Variants in NUP214 observed in about 807,000 individuals in gnomAD.
The protein encoded by NUP214 is nuclear pore complex protein Nup214.
Under a neutral mutation model 196.2 loss-of-function variants are expected in NUP214, and 79 were observed. The observed-to-expected ratio is 0.40, with a 90% CI of 0.34 to 0.49. The LOEUF is 0.49. NUP214 is among the 20% of genes least tolerant of loss of function. NUP214 has a pLI of 0.58. For synonymous variants in NUP214, 1,020 were observed against 990.5 expected (o/e 1.03, Z -0.56); for missense variants, 2,468 against 2,539.0 (o/e 0.97, Z 0.60).
intron 15 of NUP214, 79 bp from the exon 16 acceptor site, chr9:131,150,537 A>T: frequency 6.3e-7 from 1 of 1,580,454 alleles, no homozygotes; most frequent in South Asian, 1.1e-5. Context: ...CAGCAGTCTG[A>T]GCAGTTAGTA....
chr9:131,230,667 C>T lies in NUP214; in HGVS notation c.6112C>T (p.Leu2038Phe), dbSNP rs1422368275. 1 of 1,614,154 alleles carries T rather than the reference C, an allele frequency of 6.2e-7. No homozygotes were observed. Among genetic ancestry groups the T allele is most frequent in the Non-Finnish European group, 8.5e-7 (1 of 1,180,008 alleles). The change falls in exon 34 of 36, where the codon CTC becomes TTC. Residue 2038 changes from leucine (L) to phenylalanine (F), a missense_variant. Leu to Phe is a conservative substitution (Grantham distance 22, BLOSUM62 0). This residue lies in a region of NUP214 where 262 missense variants were observed against 296.5 expected (regional missense o/e 0.88). Transcript: ENST00000359428. ...SSSNTTSFGT[L>F]ASQNAPTFGS... ...CAGCAACACCACATCCTTCGGCACGCTCGCGAGTCAGAATGCCCCCACTTT... is the reference window on the plus strand; with the variant it reads ...CAGCAACACCACATCCTTCGGCACGTTCGCGAGTCAGAATGCCCCCACTTT...
intron 24 of NUP214, among the ~76,000 whole-genome samples, chr9:131,184,950 G>A (rs1330990510): frequency 6.6e-6 from 1 of 152,066 alleles, no homozygotes; most frequent in East Asian, 1.9e-4. Context: ...CTCTTGATAA[G>A]TTCCACTCTC....
chr9:131,223,727 A>ATTTATTTATTTATTTATTTTTTTTT lies in NUP214; in HGVS notation c.5902+800_5902+801insATTTATTTATTTATTTTTTTTTTTT. On this transcript the variant is annotated intron_variant, in intron 32 of 35. Transcript: ENST00000359428. ...TTTTTTTATTTTTATTTATTTATTT[A>ATTTATTTATTTATTTATTTTTTTTT]TTTTTTTTTTTTTTTTTTTTTTTTT... Among the ~76,000 whole-genome samples, 6 of 15,660 alleles carry ATTTATTTATTTATTTATTTTTTTTT rather than the reference A, an allele frequency of 3.8e-4. 1 individual carries two copies. The highest frequency in any genetic ancestry group is 5.7e-4 in the Non-Finnish European group (4 of 6,968). The allele number at this position is 15,660 out of a possible 152,430, so 10.3% of individuals were successfully genotyped here. A position where few individuals can be genotyped will look rare whatever the true frequency, so the allele number is the denominator to read the frequency against.
At chr9:131,171,946 T>A (rs1290419555) in intron 21 of NUP214, among the ~76,000 whole-genome samples, 1 of 152,202 alleles carries the variant, frequency 6.6e-6, no homozygotes, top group Non-Finnish European at 1.5e-5. Flanking sequence ...CTTAAACCAG[T>A]CTATCATTGT....
In NUP214 at chr9:131,130,777, C is replaced by G; in HGVS notation, c.604C>G (p.Pro202Ala). 2.5e-6 allele frequency: 4 copies of G among 1,613,958 alleles called. No homozygotes were observed. Among genetic ancestry groups the G allele is most frequent in the Non-Finnish European group, 3.4e-6 (4 of 1,179,940 alleles). Residue 202 changes from proline (P) to alanine (A), a missense_variant, in exon 5 of 36, where the codon CCC becomes GCC. Pro to Ala is a conservative substitution (Grantham distance 27). Transcript: ENST00000359428. ...TVAVTSVCWSPKGKQLAVGKQ... is the reference protein window; with the variant it reads ...TVAVTSVCWSAKGKQLAVGKQ... ...CTGTCTTTGCTCAGTGTGCTGGAGC[C>G]CCAAAGGAAAGCAGCTGGCAGTGGG... is the stretch of plus-strand genomic sequence containing the variant.
chr9:131,163,715 C>A (rs1003627096), intron 19 of NUP214, among the ~76,000 whole-genome samples, 155 bp from the exon 20 acceptor site: 3 of 152,100 alleles, frequency 2.0e-5, no homozygotes, highest in African/African-American at 7.2e-5. Flanking sequence ...GATCTCACTT[C>A]TTTTAGATTA....
chr9:131,231,095 G>A (rs1003913224), intron 34 of NUP214, among the ~76,000 whole-genome samples: 1 of 152,142 alleles, frequency 6.6e-6, no homozygotes, highest in Non-Finnish European at 1.5e-5. Flanking sequence ...GCTGCAGTGA[G>A]CTGTGATTGC....
At chr9:131,215,190 T>C (rs778387347) in intron 30 of NUP214, 22 bp from the exon 31 acceptor site, 2 of 1,502,286 alleles carry the variant, frequency 1.3e-6, no homozygotes, top group Non-Finnish European at 1.8e-6. Context: ...CTATCTTGCT[T>C]CCTGACCCTT....
chr9:131,132,792 C>T, intron 6 of NUP214, 133 bp downstream of exon 6: 1 of 781,900 alleles, frequency 1.3e-6, no homozygotes, highest in Non-Finnish European at 2.1e-6. Flanking sequence ...CTATTTCAAA[C>T]AGCTAATTAA....
intron 28 of NUP214, among the ~76,000 whole-genome samples, chr9:131,196,860 T>C (rs1833804434): frequency 6.6e-6 from 1 of 152,240 alleles, no homozygotes; most frequent in Non-Finnish European, 1.5e-5. Context: ...AGGCCATTGC[T>C]GTGCTGAGGA....
In NUP214 at chr9:131,147,553, C is replaced by G. The variant is rs1300592895; in HGVS notation, c.2009C>G (p.Thr670Ser). 1 of 1,614,020 alleles carries G rather than the reference C, an allele frequency of 6.2e-7. No individual in the cohort carries two copies. The highest frequency in any genetic ancestry group is 1.1e-5 in the South Asian group (1 of 91,082). The change falls in exon 14 of 36, where the codon ACC becomes AGC. Residue 670 changes from threonine (T) to serine (S), a missense_variant. By Grantham distance (58) the Thr-to-Ser change is moderately conservative (BLOSUM62 1). Transcript: ENST00000359428. Reference protein sequence around the residue: ...PSMVQKSPRITPPAAKPGSPQ... With the variant: ...PSMVQKSPRISPPAAKPGSPQ... ...ATGGTACAGAAATCACCCAGGATAA[C>G]CCCTCCAGCGGCAAAGCCAGGCTCT... is the stretch of plus-strand genomic sequence containing the variant.
chr9:131,171,560 TTTTTTG>T (rs1832957356), intron 21 of NUP214, among the ~76,000 whole-genome samples: 1 of 151,706 alleles, frequency 6.6e-6, no homozygotes, highest in Non-Finnish European at 1.5e-5. Flanking sequence ...TTTTTTTTTT[TTTTTTG>T]TTATACTTTA....
chr9:131,173,208 C>T (rs1268109742), intron 21 of NUP214, among the ~76,000 whole-genome samples: 1 of 152,150 alleles, frequency 6.6e-6, no homozygotes, highest in Non-Finnish European at 1.5e-5. Flanking sequence ...AGGTGTGCAC[C>T]ACCACGACTG....
chr9:131,218,721 C>G (rs1038711313), intron 31 of NUP214, among the ~76,000 whole-genome samples: 9 of 152,056 alleles, frequency 5.9e-5, no homozygotes, highest in Non-Finnish European at 1.2e-4. Context: ...TTTATTTTGC[C>G]CCTTTTCCTA....
Position 131,128,353 on chromosome 9 carries a change from T to C in NUP214, c.263T>C (p.Leu88Pro). 1.2e-6 allele frequency: 2 copies of C among 1,613,072 alleles called. No homozygotes were observed. The highest frequency in any genetic ancestry group is 1.7e-6 in the Non-Finnish European group (2 of 1,179,418). Residue 88 changes from leucine (L) to proline (P), a missense_variant, in exon 3 of 36, where the codon CTA becomes CCA. By Grantham distance (98) the Leu-to-Pro change is moderately conservative (BLOSUM62 -3). Coordinates refer to ENST00000359428, the MANE Select transcript of NUP214 (RefSeq NM_005085.4). The stretch of plus-strand genomic sequence containing the variant: ...ATAGTTGATAAAGTCCAAGGCTTGC[T>C]AGTTCCTATGAAATTCCCAATCCAT... ...NKIVDKVQGL[L>P]VPMKFPIHHL...
intron 32 of NUP214, among the ~76,000 whole-genome samples, chr9:131,227,221 CA>C (rs1455230208): frequency 6.6e-6 from 1 of 152,240 alleles, no homozygotes; most frequent in African/African-American, 2.4e-5. Context: ...GCCTGACAGG[CA>C]TCACCAGCAA....
At position 131,230,694 on chromosome 9, in the gene NUP214, G is replaced by A. The variant is rs1305946040; in HGVS notation, c.6139G>A (p.Gly2047Arg). The change falls in exon 34 of 36, where the codon GGA becomes AGA. Residue 2047 changes from glycine (G) to arginine (R), a missense_variant. Around this residue, in one of 5 missense-constraint regions of NUP214, gnomAD observed 262 missense variants for 296.5 expected, o/e 0.88. Transcript: ENST00000359428. Reference protein sequence around the residue: ...TLASQNAPTFGSLSQQTSGFG... With the variant: ...TLASQNAPTFRSLSQQTSGFG... The stretch of plus-strand genomic sequence containing the variant: ...CGCGAGTCAGAATGCCCCCACTTTC[G>A]GATCACTGTCCCAACAGACTTCTGG... 6 of 1,613,922 alleles carry A rather than the reference G, an allele frequency of 3.7e-6. No homozygotes were observed. The highest frequency in any genetic ancestry group is 1.7e-5 in the Admixed American group (1 of 59,994).
intron 31 of NUP214, among the ~76,000 whole-genome samples, chr9:131,219,030 G>A (rs1312203426): frequency 2.0e-5 from 3 of 151,914 alleles, no homozygotes; most frequent in South Asian, 4.2e-4. Flanking sequence ...CACCATGATC[G>A]CTCCCTCTCT....
At chr9:131,227,157 G>A (rs953620850) in intron 32 of NUP214, among the ~76,000 whole-genome samples, 2 of 152,200 alleles carry the variant, frequency 1.3e-5, no homozygotes, top group African/African-American at 4.8e-5. Flanking sequence ...CAGTATCTTG[G>A]AAGTTTGGGA....
Sources: allele counts gnomAD v4.1 joint callset (sites outside exome capture counted in the v4.1 genomes callset), GRCh38; gene constraint gnomAD v4.1.1; regional missense constraint gnomAD v4.1.1; transcripts MANE v1.5; gene names NCBI Gene and HGNC (gene_info 2026-07-23, HGNC 2026-07-21).